TTC39B: variants seen among roughly 807,000 people sequenced by gnomAD.
The protein encoded by TTC39B is tetratricopeptide repeat domain 39B.
TTC39B carries 92 observed loss-of-function variants against 96.6 expected under a neutral mutation model. The ratio of observed to expected loss-of-function variants is 0.95; its 90% confidence interval spans 0.80 to 1.13. TTC39B has a LOEUF of 1.13. Ranked by LOEUF, TTC39B falls within the 50% of genes most tolerant of loss-of-function variation. The pLI, the probability that TTC39B is intolerant of heterozygous loss-of-function variation, is 0.00. For synonymous variants in TTC39B, 367 were observed against 299.4 expected (o/e 1.23, Z -2.33); for missense variants, 955 against 809.3 (o/e 1.18, Z -2.18).
chr9:15,273,249 T>C (rs1823420749), intron 1 of TTC39B, among the ~76,000 whole-genome samples: 1 of 152,198 alleles, frequency 6.6e-6, no homozygotes, highest in Non-Finnish European at 1.5e-5. Context: ...ATGTCAATAC[T>C]CTCCATTAAC....
At chr9:15,185,402 C>T in exon 16 of TTC39B, 2 of 1,613,674 alleles carry the variant, frequency 1.2e-6, no homozygotes, top group East Asian at 2.2e-5. Flanking sequence ...AAGCTGTCCA[C>T]CTGTCTGTGA....
At chr9:15,199,815 C>T (rs41265314) in intron 8 of TTC39B, 46 bp downstream of exon 8, 173,266 of 907,192 alleles carry the variant, frequency 0.19, 15,986 homozygotes, top group African/African-American at 0.23. Context: ...CAAAGGAGTA[C>T]ACAGCACAAA....
In TTC39B at chr9:15,192,834, G is replaced by T. The variant is rs182712212; in HGVS notation, c.825-139C>A. ...TCAAAATTTTAAAGGATGATGCTGT[G>T]CTGAGTTTACTCTTAAGGATACTAG... On this transcript the variant is annotated intron_variant, in intron 8 of 19. Coordinates refer to ENST00000512701, the Ensembl canonical transcript of TTC39B. The T allele has an allele frequency of 9.4e-5, 58 of 613,766 alleles. No individual in the cohort carries two copies. The African/African-American group carries it at 1.0e-3, about 11-fold the overall frequency. 38.0% of individuals were successfully genotyped at this position (613,766 alleles called of 1,614,324 possible).
At chr9:15,206,581 C>A (rs1819869183) in intron 6 of TTC39B, among the ~76,000 whole-genome samples, 1 of 152,164 alleles carries the variant, frequency 6.6e-6, no homozygotes, top group African/African-American at 2.4e-5. Context: ...CAGAATATCT[C>A]TTAATTATAA....
chr9:15,217,054 G>A (rs1820561312), intron 3 of TTC39B, among the ~76,000 whole-genome samples: 1 of 152,168 alleles, frequency 6.6e-6, no homozygotes, highest in South Asian at 2.1e-4. Flanking sequence ...TATCTAGGTT[G>A]AGGGCAGAGG....
exon 20 of TTC39B, chr9:15,171,935 A>C: frequency 9.5e-7 from 1 of 1,054,070 alleles, no homozygotes; most frequent in Non-Finnish European, 1.4e-6. Context: ...TATTCACAAG[A>C]TCATTTTTCC....
intron 1 of TTC39B, among the ~76,000 whole-genome samples, chr9:15,272,365 G>A (rs529277274): frequency 2.0e-5 from 3 of 152,230 alleles, no homozygotes; most frequent in African/African-American, 4.8e-5. Context: ...GTACTGGTGG[G>A]CTCACCGTGT....
chr9:15,267,086 A>G (rs1366628697), intron 2 of TTC39B, among the ~76,000 whole-genome samples: 3 of 152,194 alleles, frequency 2.0e-5, no homozygotes, highest in Non-Finnish European at 4.4e-5. Flanking sequence ...CTCAAAAAAA[A>G]AGGACACCAG....
At chr9:15,236,537 A>C (rs556881907) in intron 2 of TTC39B, among the ~76,000 whole-genome samples, 2 of 152,242 alleles carry the variant, frequency 1.3e-5, no homozygotes, top group Non-Finnish European at 2.9e-5. Flanking sequence ...TCATTTGTGC[A>C]TGGAACATTC....
At chr9:15,258,788 G>C (rs1822845550) in intron 2 of TTC39B, among the ~76,000 whole-genome samples, 2 of 152,080 alleles carry the variant, frequency 1.3e-5, no homozygotes, top group South Asian at 4.1e-4. Context: ...ATCTCTGCTG[G>C]GACCTCCTTG....
intron 2 of TTC39B, among the ~76,000 whole-genome samples, chr9:15,262,724 C>T (rs930104730): frequency 6.6e-6 from 1 of 152,090 alleles, no homozygotes; most frequent in East Asian, 1.9e-4. Context: ...TTAAGGCCTC[C>T]TTCATCTGTT....
At chr9:15,221,455 G>A (rs552777967) in intron 3 of TTC39B, among the ~76,000 whole-genome samples, 28 of 151,908 alleles carry the variant, frequency 1.8e-4, no homozygotes, top group African/African-American at 5.8e-4. Flanking sequence ...ATGTTCTTTC[G>A]ACAAGCCCTG....
chr9:15,254,275 T>C (rs1188751752), intron 2 of TTC39B, among the ~76,000 whole-genome samples: 5 of 152,160 alleles, frequency 3.3e-5, no homozygotes, highest in Non-Finnish European at 1.5e-5. Context: ...ATTTCTTAGA[T>C]ATTTGTTAGA....
intron 2 of TTC39B, among the ~76,000 whole-genome samples, chr9:15,246,347 G>A (rs1822275765): frequency 6.6e-6 from 1 of 151,252 alleles, no homozygotes. Flanking sequence ...ATCTCATTAA[G>A]GTGAGGAGAC....
rs186860501 is a variant in TTC39B, at chr9:15,285,844, G to C, written c.241-17896C>G. On this transcript the variant is annotated intron_variant, in intron 1 of 19. Coordinates refer to ENST00000512701, the Ensembl canonical transcript of TTC39B. ...CACTCCAGCCCAGGGGACAGAACGA[G>C]ATTCCGTCTCAAAAAAAAAAGAATA... is the stretch of plus-strand genomic sequence containing the variant. Among the ~76,000 whole-genome samples, 471 of 152,174 alleles carry C rather than the reference G, an allele frequency of 3.1e-3. 1 individual carries two copies. Among genetic ancestry groups the C allele is most frequent in the African/African-American group, 0.011 (443 of 41,518 alleles).
chr9:15,223,840 CAA>C (rs754309254), intron 3 of TTC39B, among the ~76,000 whole-genome samples: 39 of 129,646 alleles, frequency 3.0e-4, no homozygotes, highest in African/African-American at 3.9e-4. Context: ...ACATGACACT[CAA>C]AAAAAAAAAA....
intron 2 of TTC39B, among the ~76,000 whole-genome samples, chr9:15,231,846 A>C (rs1821438504): frequency 6.6e-6 from 1 of 152,362 alleles, no homozygotes; most frequent in African/African-American, 2.4e-5. Flanking sequence ...GGAGAAAAGG[A>C]ATGAGTGTAG....
At chr9:15,235,156 A>C (rs1356060480) in intron 2 of TTC39B, among the ~76,000 whole-genome samples, 1 of 152,188 alleles carries the variant, frequency 6.6e-6, no homozygotes, top group East Asian at 1.9e-4. Context: ...GACCAGGCAG[A>C]AGAAAGTATT....
intron 1 of TTC39B, among the ~76,000 whole-genome samples, chr9:15,293,940 T>G (rs545115500): frequency 6.6e-6 from 1 of 152,308 alleles, no homozygotes; most frequent in South Asian, 2.1e-4. Context: ...CACGTCACTT[T>G]CCTTTCTCTG....
Sources: allele counts gnomAD v4.1 joint callset (sites outside exome capture counted in the v4.1 genomes callset), GRCh38; gene constraint gnomAD v4.1.1; transcripts MANE v1.5; gene names NCBI Gene and HGNC (gene_info 2026-07-23, HGNC 2026-07-21).